The following MTA3 variants were observed in gnomAD, a reference collection of about 807,000 sequenced individuals.
MTA3 encodes the protein metastasis-associated protein MTA3.
Under a neutral mutation model 83.5 loss-of-function variants are expected in MTA3, and 34 were observed. The observed-to-expected ratio is 0.41, with a 90% CI of 0.31 to 0.54. MTA3 has a LOEUF of 0.54. Ranked by LOEUF, MTA3 falls within the 20% of genes least tolerant of loss-of-function variation. The probability of loss-of-function intolerance (pLI) is 0.33; values close to 1 mark genes in which losing one functional copy is unlikely to be tolerated. For synonymous variants in MTA3, 303 were observed against 252.7 expected (o/e 1.20, Z -1.89); for missense variants, 761 against 726.4 (o/e 1.05, Z -0.55).
intron 12 of MTA3, 126 bp downstream of exon 12, chr2:42,704,444 T>C: frequency 1.9e-6 from 2 of 1,078,780 alleles, no homozygotes; most frequent in Non-Finnish European, 2.7e-6. Flanking sequence ...CTCCTCTAAA[T>C]GAGTAGATGC....
intron 2 of MTA3, among the ~76,000 whole-genome samples, chr2:42,571,044 G>T (rs976897302): frequency 6.6e-6 from 1 of 151,724 alleles, no homozygotes; most frequent in South Asian, 2.1e-4. Context: ...ATAAAAATAA[G>T]CTGGGTAAAG....
rs1670070741 is a variant in MTA3 at position 42,753,986 on chromosome 2, C to G, written c.*587C>G. The G allele has an allele frequency of 1.0e-6, 1 of 985,646 alleles. No homozygotes were observed. Among genetic ancestry groups the G allele is most frequent in the Non-Finnish European group, 1.2e-6 (1 of 830,022 alleles). The allele number at this position is 985,646 out of a possible 1,614,324, so 61.1% of individuals were successfully genotyped here. ...AATGGGGGAATTTGCTGTTTACCCTCTGCATTCCTATATGTGACCCTCCCT... is the reference window on the plus strand; with the variant it reads ...AATGGGGGAATTTGCTGTTTACCCTGTGCATTCCTATATGTGACCCTCCCT... On this transcript the variant is annotated 3_prime_UTR_variant, in exon 17 of 17. Coordinates refer to ENST00000405094, the MANE Select transcript of MTA3 (RefSeq NM_001330442.2).
intron 3 of MTA3, among the ~76,000 whole-genome samples, chr2:42,592,288 A>C (rs1681111040): frequency 6.6e-6 from 1 of 151,440 alleles, no homozygotes; most frequent in Non-Finnish European, 1.5e-5. Context: ...AAAACAAAAA[A>C]CCAATTCATT....
chr2:42,641,912 A>T (rs1284480879), intron 5 of MTA3, among the ~76,000 whole-genome samples: 1 of 152,004 alleles, frequency 6.6e-6, no homozygotes, highest in Non-Finnish European at 1.5e-5. Flanking sequence ...TTGAAAAATT[A>T]CCTATTGGGT....
At chr2:42,495,516 A>C (rs541267217) in intron 2 of MTA3, among the ~76,000 whole-genome samples, 1 of 152,292 alleles carries the variant, frequency 6.6e-6, no homozygotes, top group African/African-American at 2.4e-5. Flanking sequence ...AAACAAGAAA[A>C]ATATCTGTAA....
At chr2:42,641,238 A>G (rs1378837007) in intron 5 of MTA3, among the ~76,000 whole-genome samples, 2 of 143,366 alleles carry the variant, frequency 1.4e-5, no homozygotes, top group Non-Finnish European at 3.0e-5. Flanking sequence ...TAAATCTTAT[A>G]CTCAAGTGTT....
intron 16 of MTA3, among the ~76,000 whole-genome samples, chr2:42,724,645 C>G (rs1335743649): frequency 6.6e-6 from 1 of 152,008 alleles, no homozygotes; most frequent in Admixed American, 6.6e-5. Flanking sequence ...ATCACACACA[C>G]ACACACACAC....
intron 14 of MTA3, among the ~76,000 whole-genome samples, chr2:42,710,325 G>C (rs1363802194): frequency 6.6e-6 from 1 of 152,086 alleles, no homozygotes; most frequent in Non-Finnish European, 1.5e-5. Context: ...GGCCGAGGTG[G>C]GTGGATCACC....
intron 2 of MTA3, among the ~76,000 whole-genome samples, chr2:42,525,524 T>C: frequency 6.8e-6 from 1 of 147,418 alleles, no homozygotes; most frequent in Admixed American, 6.8e-5. Context: ...TTTCTTCCCT[T>C]CCTTCCTTCC....
intron 4 of MTA3, among the ~76,000 whole-genome samples, chr2:42,612,538 C>G (rs569322027): frequency 1.3e-5 from 2 of 151,768 alleles, no homozygotes; most frequent in African/African-American, 4.8e-5. Flanking sequence ...TTGGAAGACA[C>G]TAGAATATAA....
intron 2 of MTA3, among the ~76,000 whole-genome samples, chr2:42,526,892 A>G (rs912118435): frequency 2.5e-4 from 38 of 151,986 alleles, no homozygotes; most frequent in African/African-American, 9.2e-4. Context: ...CGTCTCTACT[A>G]AAATAACAAA....
At chr2:42,608,393 A>C (rs1683764502) in intron 3 of MTA3, among the ~76,000 whole-genome samples, 1 of 152,260 alleles carries the variant, frequency 6.6e-6, no homozygotes, top group African/African-American at 2.4e-5. Flanking sequence ...TTCATTAAAA[A>C]GAATATCCAA....
intron 9 of MTA3, among the ~76,000 whole-genome samples, chr2:42,691,728 T>G (rs1692917632): frequency 6.6e-6 from 1 of 152,212 alleles, no homozygotes; most frequent in African/African-American, 2.4e-5. Context: ...ATCCTTCAGC[T>G]TTTGTTTGTC....
chr2:42,501,636 T>C (rs546814264), intron 2 of MTA3, among the ~76,000 whole-genome samples: 1 of 152,214 alleles, frequency 6.6e-6, no homozygotes, highest in African/African-American at 2.4e-5. Flanking sequence ...AAGTGAGGCA[T>C]TTATTACAGA....
Position 42,753,489 on chromosome 2 carries a change from C to A in MTA3, c.*90C>A. 1 of 1,545,394 alleles carries A rather than the reference C, an allele frequency of 6.5e-7. No individual in the cohort carries two copies. The highest frequency in any genetic ancestry group is 8.7e-7 in the Non-Finnish European group (1 of 1,144,082). ...GCCTGGGAAGAAGGCAGCCCCACTC[C>A]CAGTACATTTCAGTGGGAGACCTCT... On this transcript the variant is annotated 3_prime_UTR_variant, in exon 17 of 17. Coordinates refer to ENST00000405094, the MANE Select transcript of MTA3 (RefSeq NM_001330442.2).
At chr2:42,727,633 G>C (rs1054009500) in intron 16 of MTA3, among the ~76,000 whole-genome samples, 1 of 152,108 alleles carries the variant, frequency 6.6e-6, no homozygotes, top group Non-Finnish European at 1.5e-5. Flanking sequence ...TGAGTGTTTG[G>C]AATCAGTTAG....
chr2:42,545,505 A>T (rs1676721983), intron 2 of MTA3, among the ~76,000 whole-genome samples: 1 of 152,160 alleles, frequency 6.6e-6, no homozygotes, highest in South Asian at 2.1e-4. Context: ...GATGGAAGGG[A>T]GAGTGGGAGG....
chr2:42,647,330 T>C (rs1688307512), intron 6 of MTA3, among the ~76,000 whole-genome samples: 1 of 151,770 alleles, frequency 6.6e-6, no homozygotes. Context: ...TTCAAACGAT[T>C]CCTGTGCCTC....
chr2:42,532,815 G>A, intron 2 of MTA3: 1 of 405,934 alleles, frequency 2.5e-6, no homozygotes, highest in Non-Finnish European at 4.9e-6. Context: ...CTTCCCATTG[G>A]TTCTCTCACA....
Sources: allele counts gnomAD v4.1 joint callset (sites outside exome capture counted in the v4.1 genomes callset), GRCh38; gene constraint gnomAD v4.1.1; transcripts MANE v1.5; gene names NCBI Gene and HGNC (gene_info 2026-07-23, HGNC 2026-07-21).